The following PUF60 variants were observed in gnomAD, a reference collection of about 807,000 sequenced individuals.
PUF60 encodes the protein poly(U) binding splicing factor 60.
Under a neutral mutation model 61.8 loss-of-function variants are expected in PUF60, and 10 were observed. The observed-to-expected ratio is 0.16, with a 90% CI of 0.10 to 0.27. The LOEUF is 0.27. PUF60 is among the 10% of genes least tolerant of loss of function. PUF60 has a pLI of 1.00. For missense variants in PUF60, 371 were observed against 754.0 expected (o/e 0.49, Z 5.95); for synonymous variants, 353 against 300.9 (o/e 1.17, Z -1.79).
intron 2 of PUF60, among the ~76,000 whole-genome samples, chr8:143,823,594 CCT>C (rs1029255664): frequency 1.2e-4 from 19 of 152,366 alleles, no homozygotes; most frequent in Admixed American, 3.3e-4. Flanking sequence ...AGTCCCACCC[CCT>C]GAGTGTGCCT....
chr8:143,829,231 CG>C, intron 1 of PUF60, 48 bp downstream of exon 1: 1 of 1,240,256 alleles, frequency 8.1e-7, no homozygotes, highest in South Asian at 3.6e-5. Flanking sequence ...GTCGACGACC[CG>C]GCCCCGCAAG....
At chr8:143,825,332 G>C (rs753349025) in intron 1 of PUF60, among the ~76,000 whole-genome samples, 12 of 152,186 alleles carry the variant, frequency 7.9e-5, no homozygotes, top group East Asian at 1.9e-4. Context: ...TCCAGAGGAG[G>C]AGCAGCACCA....
chr8:143,819,025 G>T (rs1816710240), intron 5 of PUF60: 1 of 157,782 alleles, frequency 6.3e-6, no homozygotes, highest in Admixed American at 6.4e-5. Context: ...AGACCCCAGG[G>T]GAGGAGCTCA....
intron 2 of PUF60, chr8:143,823,073 C>T (rs1817206903): frequency 5.9e-6 from 1 of 170,470 alleles, no homozygotes; most frequent in Non-Finnish European, 1.3e-5. Flanking sequence ...GAGACCCCTC[C>T]CCAGGCAACC....
rs1216974679 is a variant in PUF60, at chr8:143,817,830, GCCC to G, written c.817+29_817+31del. 1 of 1,607,506 alleles carries G rather than the reference GCCC, an allele frequency of 6.2e-7. No individual in the cohort carries two copies. Among genetic ancestry groups the G allele is most frequent in the Non-Finnish European group, 8.5e-7 (1 of 1,176,968 alleles). ...GCAGGGCCAGCCCCAGCCTCAGGTG[GCCC>G]CCATCCCGCCTCAGCCACCCCAGCT... On this transcript the variant is annotated intron_variant, in intron 8 of 11. Coordinates refer to ENST00000526683, the MANE Select transcript of PUF60 (RefSeq NM_078480.3). This position sits in a 1 kb window ranked among gnomAD's most constrained non-coding sequence, Gnocchi z 7.4.
chr8:143,816,351 C>T lies in PUF60; in HGVS notation c.*169G>A. On this transcript the variant is annotated 3_prime_UTR_variant, in exon 12 of 12. Coordinates refer to ENST00000526683, the MANE Select transcript of PUF60 (RefSeq NM_078480.3). ...AAGGACACACGCCCAGGATCGGTGACAGGACCGACGGCAGACACACGGACG... is the reference window on the plus strand; with the variant it reads ...AAGGACACACGCCCAGGATCGGTGATAGGACCGACGGCAGACACACGGACG... The T allele has an allele frequency of 2.7e-6, 2 of 739,520 alleles. No individual in the cohort carries two copies. The highest frequency in any genetic ancestry group is 4.3e-6 in the Non-Finnish European group (2 of 464,418). The allele number at this position is 739,520 out of a possible 1,614,324, so 45.8% of individuals were successfully genotyped here.
chr8:143,816,491 A>G lies in PUF60; in HGVS notation c.*29T>C. 6.3e-7 allele frequency: 1 copy of G among 1,582,210 alleles called. No individual in the cohort carries two copies. Among genetic ancestry groups the G allele is most frequent in the African/African-American group, 1.3e-5 (1 of 74,158 alleles). On this transcript the variant is annotated 3_prime_UTR_variant, in exon 12 of 12. Coordinates refer to ENST00000526683, the MANE Select transcript of PUF60 (RefSeq NM_078480.3). Reference sequence around the variant, plus strand: ...ATAAAACCCAGAGGAAACAAGGAACAAGTGCAAGTCCGGGGAGAGGGACCA... The same window carrying G: ...ATAAAACCCAGAGGAAACAAGGAACGAGTGCAAGTCCGGGGAGAGGGACCA...
chr8:143,826,048 C>T (rs1402082583), intron 1 of PUF60, among the ~76,000 whole-genome samples: 2 of 152,252 alleles, frequency 1.3e-5, no homozygotes, highest in Admixed American at 1.3e-4. Flanking sequence ...CTGTGCTAAC[C>T]AGACGCTGGG....
Position 143,818,683 on chromosome 8 carries a change from C to G in PUF60, c.349-149G>C. The G allele has an allele frequency of 2.3e-6, 2 of 862,866 alleles. No individual in the cohort carries two copies. Among genetic ancestry groups the G allele is most frequent in the Non-Finnish European group, 3.5e-6 (2 of 579,226 alleles). 53.5% of individuals were successfully genotyped at this position (862,866 alleles called of 1,614,324 possible). ...GAGGTGCGGGCTCCATCCCTGCAGT[C>G]ATAGTGTGGGGGTCGCAGGACCCCG... On this transcript the variant is annotated intron_variant, in intron 5 of 11. Transcript: ENST00000526683. This position sits in a 1 kb window ranked among gnomAD's most constrained non-coding sequence, Gnocchi z 7.9.
intron 1 of PUF60, chr8:143,828,987 G>A (rs2130473813): frequency 2.0e-6 from 2 of 992,152 alleles, no homozygotes; most frequent in African/African-American, 1.7e-5. Flanking sequence ...GCCGGACCTA[G>A]CGGACAGGAA....
chr8:143,820,593 C>A, intron 5 of PUF60, 73 bp downstream of exon 5: 1 of 1,483,534 alleles, frequency 6.7e-7, no homozygotes, highest in Non-Finnish European at 9.4e-7. Context: ...GTCCCCAGCA[C>A]GTGGGCTGCA....
Position 143,820,672 on chromosome 8 carries a change from C to T in PUF60, c.342G>A (p.Leu114=), listed in dbSNP as rs1353818720. ...TMGFGDPLSP[L]QSMAAQRQRA... Reference sequence around the variant, plus strand: ...AGTGAGCATTTCTATTGACCGATTGCAAAGGTGAGAGAGGATCTCCAAAGC... The same window carrying T: ...AGTGAGCATTTCTATTGACCGATTGTAAAGGTGAGAGAGGATCTCCAAAGC... Residue 114 remains leucine (L), a synonymous_variant, in exon 5 of 12, where the codon TTG becomes TTA. Transcript: ENST00000526683. 7 of 1,612,688 alleles carry T rather than the reference C, an allele frequency of 4.3e-6. No homozygotes were observed. Among genetic ancestry groups the T allele is most frequent in the Non-Finnish European group, 5.9e-6 (7 of 1,179,080 alleles).
intron 5 of PUF60, among the ~76,000 whole-genome samples, chr8:143,819,197 G>A (rs1450133840): frequency 6.6e-6 from 1 of 152,114 alleles, no homozygotes; most frequent in East Asian, 1.9e-4. Context: ...GCCCAGGCGA[G>A]ACCACTGGCC....
chr8:143,818,400 G>C lies in PUF60; in HGVS notation c.483C>G (p.Ser161=). 6.2e-7 allele frequency: 1 copy of C among 1,612,770 alleles called. No homozygotes were observed. ...PFGPIKSIDM[S]WDSVTMKHKG... The stretch of plus-strand genomic sequence containing the variant: ...TGTGCTTCATGGTGACGGAGTCCCA[G>C]GACATGTCGATGCTCTTGATGGGGC... The change falls in exon 6 of 12, where the codon TCC becomes TCG. Residue 161 remains serine (S), a synonymous_variant. Transcript: ENST00000526683. This position sits in a 1 kb window ranked among gnomAD's most constrained non-coding sequence, Gnocchi z 7.9.
At position 143,821,587 on chromosome 8, in the gene PUF60, CG is replaced by C; in HGVS notation, c.297+9del. 6.5e-7 allele frequency: 1 copy of C among 1,539,676 alleles called. No homozygotes were observed. ...TGGGGAGGGCGGTAGAGGCTCCGGC[CG>C]GGGCTCACCTGCAGGTTGGTGAGCT... On this transcript the variant is annotated intron_variant, in intron 4 of 11. Coordinates refer to ENST00000526683, the MANE Select transcript of PUF60 (RefSeq NM_078480.3).
chr8:143,824,134 T>A (rs116756424), intron 2 of PUF60, among the ~76,000 whole-genome samples, 179 bp downstream of exon 2: 1 of 152,096 alleles, frequency 6.6e-6, no homozygotes, highest in African/African-American at 2.4e-5. Context: ...GCAGGGCTGG[T>A]GCGGGGAGAG....
At position 143,818,087 on chromosome 8, in the gene PUF60, G is replaced by T. The variant is rs767934780; in HGVS notation, c.604-12C>A. 6.2e-7 allele frequency: 1 copy of T among 1,610,606 alleles called. No individual in the cohort carries two copies. The highest frequency in any genetic ancestry group is 8.5e-7 in the Non-Finnish European group (1 of 1,178,798). On this transcript the variant is annotated splice_polypyrimidine_tract_variant and intron_variant, in intron 7 of 11. Transcript: ENST00000526683. This position sits in a 1 kb window ranked among gnomAD's most constrained non-coding sequence, Gnocchi z 7.9. The stretch of plus-strand genomic sequence containing the variant: ...CTGGGTCTGCCCACCTGGGGAAGAG[G>T]CGGTGAGATGGAAAGACCGGTCAAC...
intron 1 of PUF60, chr8:143,827,303 C>G (rs937511993): frequency 1.3e-5 from 6 of 453,152 alleles, no homozygotes; most frequent in Non-Finnish European, 2.2e-5. Context: ...AGGGTGATGA[C>G]CCCAAATGAG....
intron 1 of PUF60, 52 bp downstream of exon 1, chr8:143,829,228 A>C (rs1554649130): frequency 8.1e-7 from 1 of 1,238,778 alleles, no homozygotes; most frequent in Non-Finnish European, 1.0e-6. Context: ...TGGGTCGACG[A>C]CCCGGCCCCG....
Sources: allele counts gnomAD v4.1 joint callset (sites outside exome capture counted in the v4.1 genomes callset), GRCh38; gene constraint gnomAD v4.1.1; non-coding constraint Gnocchi (gnomAD v3.1); transcripts MANE v1.5; gene names NCBI Gene and HGNC (gene_info 2026-07-23, HGNC 2026-07-21).